TUB: variants seen among roughly 807,000 people sequenced by gnomAD.
TUB encodes TUB bipartite transcription factor, also known as tubby protein homolog.
In TUB, 33 loss-of-function variants were observed where a neutral mutation model predicts 59.7. The observed-to-expected ratio is 0.55, with a 90% CI of 0.42 to 0.74. TUB has a LOEUF of 0.74. Ranked by LOEUF, TUB falls within the 30% of genes least tolerant of loss-of-function variation. The probability of loss-of-function intolerance (pLI) is 0.00; values close to 1 mark genes in which losing one functional copy is unlikely to be tolerated. For synonymous variants in TUB, 293 were observed against 256.4 expected, an observed-to-expected ratio of 1.14 and a Z score of -1.36; for missense variants, 659 against 672.0, an observed-to-expected ratio of 0.98 and a Z score of 0.21.
In TUB at chr11:8,102,959, CTTAGAAGCATCAGAG is replaced by C. The variant is rs1944368142; in HGVS notation, c.*1343_*1357del. The C allele has an allele frequency of 2.0e-5, 3 of 152,194 alleles. No homozygotes were observed. Among genetic ancestry groups the C allele is most frequent in the Admixed American group, 6.5e-5 (1 of 15,280 alleles). 9.4% of individuals were successfully genotyped at this position (152,194 alleles called of 1,614,324 possible). On this transcript the variant is annotated 3_prime_UTR_variant, in exon 12 of 12. Coordinates refer to ENST00000299506, the MANE Select transcript of TUB (RefSeq NM_177972.3). ...CTCCCCACTTCCCCCGATTCAGAGA[CTTAGAAGCATCAGAG>C]TTGATAAATTAGATTGAAACCATTC...
At chr11:8,070,507 G>A (rs912290123) in intron 2 of TUB, among the ~76,000 whole-genome samples, 4 of 152,050 alleles carry the variant, frequency 2.6e-5, no homozygotes, top group African/African-American at 9.7e-5. Context: ...GATTCTGGGG[G>A]TTTTCTTGTT....
chr11:8,096,570 A>C lies in TUB; in HGVS notation c.566-115A>C, dbSNP rs567684178. The C allele has an allele frequency of 6.7e-6, 5 of 745,062 alleles. No individual in the cohort carries two copies. The African/African-American group carries it at 6.8e-5, about 10-fold the overall frequency. 46.2% of individuals were successfully genotyped at this position (745,062 alleles called of 1,614,324 possible). A position where few individuals can be genotyped will look rare whatever the true frequency, so the allele number is the denominator to read the frequency against. On this transcript the variant is annotated intron_variant, in intron 5 of 11. Transcript: ENST00000299506. The stretch of plus-strand genomic sequence containing the variant: ...AGATATGGCTAAGAGTGTGTGCATA[A>C]GTTTGTGGGGGTACAGGTGAGTCAG...
At chr11:8,023,479 C>A (rs367987520) in intron 1 of TUB, among the ~76,000 whole-genome samples, 2 of 152,214 alleles carry the variant, frequency 1.3e-5, no homozygotes, top group East Asian at 1.9e-4. Flanking sequence ...TATTCTCAGG[C>A]TACACCCTGG....
chr11:8,032,398 G>T (rs1454707662), intron 1 of TUB, among the ~76,000 whole-genome samples: 2 of 152,202 alleles, frequency 1.3e-5, no homozygotes, highest in Non-Finnish European at 2.9e-5. Context: ...TGATCAGCAT[G>T]GACGGACACT....
intron 1 of TUB, among the ~76,000 whole-genome samples, chr11:8,082,489 C>G (rs1385813335): frequency 6.6e-6 from 1 of 152,206 alleles, no homozygotes; most frequent in Non-Finnish European, 1.5e-5. Flanking sequence ...TCTTGGCCAC[C>G]CATTGGCTCC....
intron 2 of TUB, among the ~76,000 whole-genome samples, chr11:8,063,394 T>C (rs1399527498): frequency 1.3e-5 from 2 of 152,238 alleles, no homozygotes; most frequent in Non-Finnish European, 2.9e-5. Flanking sequence ...CTGACTTAAC[T>C]GAATTAACAT....
At chr11:8,083,728 T>C (rs1245228048) in intron 1 of TUB, among the ~76,000 whole-genome samples, 1 of 152,032 alleles carries the variant, frequency 6.6e-6, no homozygotes, top group African/African-American at 2.4e-5. Context: ...CCTGCACTGC[T>C]TGCTTTCCCC....
chr11:8,079,689 C>CGTGTGTGTAGGT (rs1564912896), upstream of TUB, among the ~76,000 whole-genome samples: 2,878 of 151,150 alleles, frequency 0.019, 107 homozygotes, highest in African/African-American at 0.067. Flanking sequence ...TGTAGGTGTG[C>CGTGTGTGTAGGT]GTGTGTGTGT....
Position 8,067,054 on chromosome 11 carries a change from C to G in TUB, c.204-22556C>G, listed in dbSNP as rs1281511631. ...CCTCCCGCTCCAGGCAGCTCCACTC[C>G]CGGCTCCTGATCTGCTCCCATTCCT... On this transcript the variant is annotated intron_variant, in intron 2 of 12. Transcript: ENST00000305253. 2.6e-5 allele frequency among the ~76,000 whole-genome samples: 4 copies of G among 152,204 alleles called. No homozygotes were observed. The East Asian group carries it at 7.7e-4, about 29-fold the overall frequency.
chr11:8,030,031 G>GT (rs1942548569), intron 1 of TUB, among the ~76,000 whole-genome samples: 1 of 152,216 alleles, frequency 6.6e-6, no homozygotes, highest in Non-Finnish European at 1.5e-5. Flanking sequence ...AGGGCAGTGA[G>GT]TGGGGGGTGG....
At chr11:8,078,884 C>G (rs539491275), upstream of TUB, among the ~76,000 whole-genome samples, 1 of 151,992 alleles carries the variant, frequency 6.6e-6, no homozygotes, top group African/African-American at 2.4e-5. Flanking sequence ...CATATTCATG[C>G]GTACACTGGC....
At chr11:8,088,457 C>G (rs1465199635) in intron 1 of TUB, among the ~76,000 whole-genome samples, 1 of 152,228 alleles carries the variant, frequency 6.6e-6, no homozygotes, top group Non-Finnish European at 1.5e-5. Flanking sequence ...CACCTTCACA[C>G]GAGCACACCC....
At chr11:8,069,170 C>G (rs184901521) in intron 2 of TUB, 1 of 152,352 alleles carries the variant, frequency 6.6e-6, no homozygotes, top group Admixed American at 6.5e-5. Context: ...CCCCTGGCTT[C>G]TAGCCCAGTG....
intron 1 of TUB, among the ~76,000 whole-genome samples, chr11:8,088,029 C>T (rs185129777): frequency 6.6e-6 from 1 of 152,290 alleles, no homozygotes; most frequent in East Asian, 1.9e-4. Context: ...AGACCAAGGC[C>T]TAGAAGTATG....
intron 8 of TUB, 59 bp downstream of exon 8, chr11:8,097,885 T>A (rs1944070583): frequency 1.5e-6 from 2 of 1,331,072 alleles, no homozygotes; most frequent in Admixed American, 1.7e-5. Flanking sequence ...GGGCAAGCTG[T>A]CTGTAGAGGG....
chr11:8,095,631 C>G lies in TUB; in HGVS notation c.531C>G (p.Ser177Arg), dbSNP rs371256163. ...ETAAGGGERPSGQDLRATMQR... is the reference protein window; with the variant it reads ...ETAAGGGERPRGQDLRATMQR... ...CAGCTGGTGGGGGCGAACGGCCCAGCGGGCAGGATCTCCGTGCCACGATGC... is the reference window on the plus strand; with the variant it reads ...CAGCTGGTGGGGGCGAACGGCCCAGGGGGCAGGATCTCCGTGCCACGATGC... Residue 177 changes from serine to arginine, a missense_variant, in exon 5 of 12, where the codon AGC (serine) becomes AGG (arginine). Physicochemically the swap from Ser to Arg is moderately radical, Grantham distance 110. This residue lies in a region of TUB where 321 missense variants were observed against 304.3 expected (regional missense o/e 1.05). Coordinates refer to ENST00000299506, the MANE Select transcript of TUB (RefSeq NM_177972.3). 6.2e-7 allele frequency: 1 copy of G among 1,608,444 alleles called. No homozygotes were observed. The highest frequency in any genetic ancestry group is 1.7e-5 in the Admixed American group (1 of 59,226).
At chr11:8,068,699 C>T (rs1943297262) in intron 2 of TUB, 1 of 152,764 alleles carries the variant, frequency 6.5e-6, no homozygotes, top group African/African-American at 2.4e-5. Context: ...CTGTCAGACT[C>T]CTCTGGCTCT....
Position 8,071,379 on chromosome 11 carries a change from G to A in TUB, c.204-18231G>A, listed in dbSNP as rs577241414. ...TGATGATGGAGCTCTAGTGATGTTG[G>A]GTGCCTTGGACCTTATCTAATCCAA... On this transcript the variant is annotated intron_variant, in intron 2 of 12. Coordinates refer to the TUB transcript ENST00000305253. Among the ~76,000 whole-genome samples, 4 of 152,198 alleles carry A rather than the reference G, an allele frequency of 2.6e-5. No individual in the cohort carries two copies. The South Asian group carries it at 6.2e-4, about 24-fold the overall frequency.
chr11:8,065,211 T>C (rs776795396), intron 2 of TUB, among the ~76,000 whole-genome samples: 20 of 152,052 alleles, frequency 1.3e-4, no homozygotes, highest in Non-Finnish European at 2.4e-4. Context: ...GTTGCTGGGG[T>C]AGCAGGTGTC....
Sources: gnomAD v4.1 joint callset for allele counts (sites outside exome capture counted in the v4.1 genomes callset) on GRCh38, gnomAD v4.1.1 for gene constraint, gnomAD v4.1.1 regional missense constraint, MANE v1.5 for transcripts, NCBI Gene and HGNC (gene_info 2026-07-23, HGNC 2026-07-21) for gene names.